The following FOXN2 variants were observed in gnomAD, a reference collection of about 807,000 sequenced individuals.
The protein encoded by FOXN2 is forkhead box protein N2.
FOXN2 carries 19 observed loss-of-function variants against 41.2 expected under a neutral mutation model. That is an observed-to-expected ratio of 0.46 (90% CI 0.32 to 0.68). FOXN2 has a LOEUF of 0.68. Ranked by LOEUF, FOXN2 falls within the 30% of genes least tolerant of loss-of-function variation. FOXN2 has a pLI of 0.03. For synonymous variants in FOXN2, 195 were observed against 176.8 expected, an observed-to-expected ratio of 1.10 and a Z score of -0.82; for missense variants, 587 against 509.4, an observed-to-expected ratio of 1.15 and a Z score of -1.47.
At chr2:48,356,236 T>G (rs1368362415) in intron 3 of FOXN2, among the ~76,000 whole-genome samples, 1 of 151,802 alleles carries the variant, frequency 6.6e-6, no homozygotes, top group Non-Finnish European at 1.5e-5. Context: ...AGGTCAGGAG[T>G]TCGAGATCAG....
intron 3 of FOXN2, among the ~76,000 whole-genome samples, chr2:48,357,365 C>G (rs971022470): frequency 2.0e-5 from 3 of 152,126 alleles, no homozygotes; most frequent in Non-Finnish European, 4.4e-5. Context: ...CTCAGGAATT[C>G]CAAGGTAGAG....
At chr2:48,336,461 ATATATT>A (rs1032154779) in intron 2 of FOXN2, among the ~76,000 whole-genome samples, 20 of 150,300 alleles carry the variant, frequency 1.3e-4, no homozygotes, top group African/African-American at 4.6e-4. Context: ...GTGTGTGTAT[ATATATT>A]TATTTATTTA....
chr2:48,338,913 A>G (rs1226052583), intron 2 of FOXN2, among the ~76,000 whole-genome samples: 3 of 152,188 alleles, frequency 2.0e-5, no homozygotes, highest in South Asian at 2.1e-4. Flanking sequence ...CAATAAAGAG[A>G]TTGAAAAGAC....
intron 1 of FOXN2, among the ~76,000 whole-genome samples, chr2:48,320,447 C>T (rs192434124): frequency 2.6e-5 from 4 of 152,138 alleles, no homozygotes; most frequent in Admixed American, 6.5e-5. Context: ...CACACCACCG[C>T]GCCTGGCTAA....
chr2:48,341,646 T>C (rs994335175), intron 2 of FOXN2, among the ~76,000 whole-genome samples: 3 of 152,156 alleles, frequency 2.0e-5, no homozygotes, highest in Admixed American at 6.6e-5. Context: ...AAAGAAGAGC[T>C]CATTAAACAC....
chr2:48,371,593 G>A (rs1289803139), intron 5 of FOXN2, among the ~76,000 whole-genome samples: 1 of 151,970 alleles, frequency 6.6e-6, no homozygotes, highest in Non-Finnish European at 1.5e-5. Context: ...CCTATTTGGG[G>A]TCTTTTGTAG....
chr2:48,346,469 G>A lies in FOXN2; in HGVS notation c.255G>A (p.Leu85=). 2 of 1,614,036 alleles carry A rather than the reference G, an allele frequency of 1.2e-6. No homozygotes were observed. Among genetic ancestry groups the A allele is most frequent in the Non-Finnish European group, 8.5e-7 (1 of 1,180,006 alleles). The change falls in exon 3 of 7, where the codon TTG becomes TTA. Residue 85 remains leucine, a synonymous_variant. Coordinates refer to ENST00000340553, the MANE Select transcript of FOXN2 (RefSeq NM_002158.4). The part of the protein sequence containing the change: ...GSEGLPIVSP[L]YDIEGDDVPS... ...AGGGTCTTCCAATTGTTAGTCCATT[G>A]TATGACATAGAGGGAGATGATGTGC...
At chr2:48,374,432 T>C (rs931816670) in intron 6 of FOXN2, among the ~76,000 whole-genome samples, 12 of 152,214 alleles carry the variant, frequency 7.9e-5, no homozygotes, top group Admixed American at 5.9e-4. Flanking sequence ...CATACACTGT[T>C]GGGAGTAAAT....
chr2:48,372,392 T>C (rs1479963680), intron 5 of FOXN2, among the ~76,000 whole-genome samples: 1 of 152,224 alleles, frequency 6.6e-6, no homozygotes, highest in Non-Finnish European at 1.5e-5. Context: ...AGGAAATCTT[T>C]ATGGTAATAA....
At chr2:48,322,071 G>T (rs1294790408) in intron 1 of FOXN2, among the ~76,000 whole-genome samples, 1 of 152,082 alleles carries the variant, frequency 6.6e-6, no homozygotes, top group Non-Finnish European at 1.5e-5. Context: ...TCAGCCCCTG[G>T]AGTAGCTGGG....
intron 3 of FOXN2, among the ~76,000 whole-genome samples, chr2:48,347,124 A>AATCTATC (rs950450695): frequency 1.3e-5 from 2 of 151,888 alleles, no homozygotes; most frequent in African/African-American, 4.8e-5. Context: ...GTTGGGTTTA[A>AATCTATC]ATCTATCACC....
intron 5 of FOXN2, among the ~76,000 whole-genome samples, chr2:48,363,627 A>G (rs1349190396): frequency 1.3e-5 from 2 of 152,148 alleles, no homozygotes; most frequent in Non-Finnish European, 2.9e-5. Context: ...CATTTTAAAT[A>G]TTTGTATAGT....
chr2:48,345,910 G>C (rs1355198291), intron 2 of FOXN2, among the ~76,000 whole-genome samples: 1 of 152,018 alleles, frequency 6.6e-6, no homozygotes, highest in Non-Finnish European at 1.5e-5. Flanking sequence ...ATTAGTGTGG[G>C]CTAGGTACTT....
chr2:48,365,064 C>T (rs1672445661), intron 5 of FOXN2, among the ~76,000 whole-genome samples: 1 of 151,994 alleles, frequency 6.6e-6, no homozygotes, highest in Non-Finnish European at 1.5e-5. Context: ...AATCAGTTTT[C>T]CTAGCGTTGC....
intron 3 of FOXN2, 118 bp downstream of exon 3, chr2:48,346,869 G>C (rs1671140580): frequency 1.3e-6 from 1 of 755,752 alleles, no homozygotes; most frequent in Non-Finnish European, 2.0e-6. Context: ...TACTTCAGCT[G>C]AACTGAATTA....
At chr2:48,328,393 T>C (rs1317269388) in intron 1 of FOXN2, among the ~76,000 whole-genome samples, 168 bp from the exon 2 acceptor site, 1 of 152,228 alleles carries the variant, frequency 6.6e-6, no homozygotes. Context: ...TTCCATATAC[T>C]GTACTTTAAG....
chr2:48,324,796 G>A lies in FOXN2; in HGVS notation c.-156-3765G>A, dbSNP rs552138434. On this transcript the variant is annotated intron_variant, in intron 1 of 6. Transcript: ENST00000340553. ...GATCTCATGTCTATTGTTTATTTTGGTCTCTTAACATAAATAACTACAGTA... is the reference window on the plus strand; with the variant it reads ...GATCTCATGTCTATTGTTTATTTTGATCTCTTAACATAAATAACTACAGTA... Among the ~76,000 whole-genome samples, 274 of 152,156 alleles carry A rather than the reference G, an allele frequency of 1.8e-3. 5 individuals carry two copies. The highest frequency in any genetic ancestry group is 0.017 in the Admixed American group (264 of 15,286).
intron 1 of FOXN2, among the ~76,000 whole-genome samples, chr2:48,318,748 A>T (rs968982727): frequency 2.6e-5 from 4 of 152,242 alleles, no homozygotes; most frequent in Non-Finnish European, 1.5e-5. Flanking sequence ...TACAGTGGTG[A>T]GCCAGAGAGA....
chr2:48,359,596 T>C (rs1321597559), intron 4 of FOXN2, among the ~76,000 whole-genome samples: 2 of 150,918 alleles, frequency 1.3e-5, no homozygotes, highest in East Asian at 4.1e-4. Flanking sequence ...CCTCGGCCTG[T>C]TTTTTCTTTT....
Sources: allele counts gnomAD v4.1 joint callset (sites outside exome capture counted in the v4.1 genomes callset), GRCh38; gene constraint gnomAD v4.1.1; transcripts MANE v1.5; gene names NCBI Gene and HGNC (gene_info 2026-07-23, HGNC 2026-07-21).